Variants in KSR2 observed in about 807,000 individuals in gnomAD.
KSR2 encodes kinase suppressor of ras 2.
In KSR2, 25 loss-of-function variants were observed where a neutral mutation model predicts 107.8. That is an observed-to-expected ratio of 0.23 (90% CI 0.17 to 0.32). KSR2 has a LOEUF of 0.32. Among genes scored for constraint, KSR2 ranks in the 10% least tolerant of loss-of-function variants. The pLI is 1.00. For missense variants in KSR2, 887 were observed against 1,268.9 expected (o/e 0.70, Z 4.57); for synonymous variants, 480 against 507.0 (o/e 0.95, Z 0.71).
At chr12:117,947,213 G>GAAAAGA (rs1165516942) in intron 1 of KSR2, among the ~76,000 whole-genome samples, 7 of 83,668 alleles carry the variant, frequency 8.4e-5, no homozygotes, top group South Asian at 4.3e-4. Context: ...AGAAAAGAAA[G>GAAAAGA]AAAGAAAGAA....
At chr12:117,724,324 A>G (rs920418399) in intron 4 of KSR2, among the ~76,000 whole-genome samples, 1 of 151,996 alleles carries the variant, frequency 6.6e-6, no homozygotes, top group African/African-American at 2.4e-5. Context: ...AAAAAAAAAA[A>G]AAAAAAGAAA....
chr12:117,487,301 C>G (rs1872517811), intron 14 of KSR2, among the ~76,000 whole-genome samples: 1 of 152,222 alleles, frequency 6.6e-6, no homozygotes, highest in Non-Finnish European at 1.5e-5. Flanking sequence ...TCTAAAATGC[C>G]ACTGATAGCC....
rs1872346090 is a variant in KSR2, at chr12:117,484,469, C to T, written c.2397G>A (p.Val799=). The change falls in exon 16 of 20, where the codon GTG becomes GTA. Residue 799 remains valine (V), a synonymous_variant. Transcript: ENST00000339824. ...SKNVFYDNGK[V]VITDFGLFSI... ...TGAAGAGTCCAAAGTCCGTGATGAC[C>T]ACTTTGCCGTTGTCATAGAAGACGT... 6.2e-7 allele frequency: 1 copy of T among 1,613,920 alleles called. No individual in the cohort carries two copies. The highest frequency in any genetic ancestry group is 1.3e-5 in the African/African-American group (1 of 75,078).
intron 3 of KSR2, among the ~76,000 whole-genome samples, chr12:117,797,601 G>T (rs73215947): frequency 0.069 from 10,192 of 147,890 alleles, 435 homozygotes; most frequent in Non-Finnish European, 0.089. Context: ...CAATGCTACC[G>T]AATTGTTCAC....
chr12:117,851,429 G>A (rs1237701058), intron 3 of KSR2, among the ~76,000 whole-genome samples: 4 of 152,180 alleles, frequency 2.6e-5, no homozygotes, highest in South Asian at 2.1e-4. Context: ...TAGTCTCCAC[G>A]AAAATTAGAC....
At chr12:117,663,818 G>C (rs974895351) in intron 5 of KSR2, among the ~76,000 whole-genome samples, 7 of 152,136 alleles carry the variant, frequency 4.6e-5, no homozygotes, top group Admixed American at 1.3e-4. Flanking sequence ...CCATCAGCTG[G>C]GATCAGAGAT....
chr12:117,650,499 C>A (rs752343450), intron 5 of KSR2, among the ~76,000 whole-genome samples: 1 of 152,166 alleles, frequency 6.6e-6, no homozygotes, highest in Non-Finnish European at 1.5e-5. Flanking sequence ...GGATGGAGTT[C>A]TTTCATTGAT....
intron 1 of KSR2, among the ~76,000 whole-genome samples, chr12:117,944,338 T>C (rs1367106402): frequency 1.3e-5 from 2 of 152,024 alleles, no homozygotes; most frequent in African/African-American, 4.8e-5. Flanking sequence ...ATCGTGCCAT[T>C]GCACTCCAGC....
At chr12:117,632,391 AT>A (rs367696902) in intron 5 of KSR2, among the ~76,000 whole-genome samples, 2 of 150,894 alleles carry the variant, frequency 1.3e-5, no homozygotes, top group African/African-American at 2.4e-5. Flanking sequence ...TGCCTGGCTA[AT>A]TTTTTTTGTA....
intron 3 of KSR2, among the ~76,000 whole-genome samples, chr12:117,848,844 A>ATGGTGGTAACAACAGTGATGGTGGTGGG (rs1566048412): frequency 1.7e-5 from 2 of 118,048 alleles, no homozygotes; most frequent in Non-Finnish European, 3.5e-5. Flanking sequence ...AGTGGTGGTG[A>ATGGTGGTAACAACAGTGATGGTGGTGGG]TGGTGATGAT....
At chr12:117,614,286 C>G (rs936401911) in intron 5 of KSR2, among the ~76,000 whole-genome samples, 4 of 151,998 alleles carry the variant, frequency 2.6e-5, no homozygotes, top group Non-Finnish European at 5.9e-5. Flanking sequence ...AGAATGTGAC[C>G]TTTTTACTTT....
At chr12:117,697,865 C>A (rs1886136856) in intron 4 of KSR2, among the ~76,000 whole-genome samples, 1 of 151,790 alleles carries the variant, frequency 6.6e-6, no homozygotes, top group Non-Finnish European at 1.5e-5. Context: ...GAAATAGGGT[C>A]ATTGCAGCTG....
intron 1 of KSR2, among the ~76,000 whole-genome samples, chr12:117,914,115 C>T (rs1446157042): frequency 6.6e-6 from 1 of 152,156 alleles, no homozygotes; most frequent in African/African-American, 2.4e-5. Flanking sequence ...TGGGTGTACA[C>T]TGTTATCAGG....
intron 1 of KSR2, among the ~76,000 whole-genome samples, chr12:117,903,620 T>C (rs913688711): frequency 6.6e-5 from 10 of 152,224 alleles, no homozygotes; most frequent in African/African-American, 2.4e-4. Context: ...ATGCTTGCAA[T>C]CTGTATCACT....
intron 17 of KSR2, among the ~76,000 whole-genome samples, chr12:117,473,272 C>T (rs1386228858): frequency 2.0e-5 from 3 of 152,166 alleles, no homozygotes; most frequent in Non-Finnish European, 4.4e-5. Context: ...TTTTCAAAGG[C>T]GACTGTTGGC....
At chr12:117,880,714 T>C (rs1216904421) in intron 1 of KSR2, among the ~76,000 whole-genome samples, 1 of 52,966 alleles carries the variant, frequency 1.9e-5, no homozygotes, top group Non-Finnish European at 2.8e-5. Flanking sequence ...TGCCAGATTC[T>C]TTTTTTTTTT....
chr12:117,583,368 G>C (rs893318541), intron 5 of KSR2, among the ~76,000 whole-genome samples: 2 of 150,786 alleles, frequency 1.3e-5, no homozygotes, highest in African/African-American at 4.9e-5. Flanking sequence ...TGAGTGGGTG[G>C]GTGGGTGGAT....
Position 117,559,778 on chromosome 12 carries a change from C to A in KSR2, c.1326-1205G>T, listed in dbSNP as rs189635011. On this transcript the variant is annotated intron_variant, in intron 7 of 19. Coordinates refer to ENST00000339824, the MANE Select transcript of KSR2 (RefSeq NM_173598.6). ...TAATAAAATTCACAAATTACTGCAG[C>A]CTGGCTTTGTCCTTTTCTTGTAGAG... Among the ~76,000 whole-genome samples the A allele has an allele frequency of 2.7e-3, 407 of 152,274 alleles. 8 individuals carry two copies. The highest frequency in any genetic ancestry group is 1.1e-3 in the Non-Finnish European group (73 of 68,022).
At chr12:117,837,171 G>A (rs1483724781) in intron 3 of KSR2, among the ~76,000 whole-genome samples, 1 of 152,148 alleles carries the variant, frequency 6.6e-6, no homozygotes, top group Non-Finnish European at 1.5e-5. Context: ...AAGAAACCCA[G>A]GGTCTCCCCT....
Sources: allele counts gnomAD v4.1 joint callset (sites outside exome capture counted in the v4.1 genomes callset), GRCh38; gene constraint gnomAD v4.1.1; transcripts MANE v1.5; gene names NCBI Gene and HGNC (gene_info 2026-07-23, HGNC 2026-07-21).